MCF2L: variants seen among roughly 807,000 people sequenced by gnomAD.
MCF2L encodes the protein MCF.2 cell line derived transforming sequence like.
In MCF2L, 97 loss-of-function variants were observed where a neutral mutation model predicts 153.4. The ratio of observed to expected loss-of-function variants is 0.63; its 90% confidence interval spans 0.54 to 0.75. MCF2L has a LOEUF of 0.75. Ranked by LOEUF, MCF2L falls within the 30% of genes least tolerant of loss-of-function variation. The probability of loss-of-function intolerance (pLI) is 0.00; values close to 1 mark genes in which losing one functional copy is unlikely to be tolerated. For synonymous variants in MCF2L, 659 were observed against 632.2 expected, an observed-to-expected ratio of 1.04 and a Z score of -0.64; for missense variants, 1,347 against 1,495.2, an observed-to-expected ratio of 0.90 and a Z score of 1.64.
chr13:112,937,415 T>A (rs1270701363), intron 2 of MCF2L, among the ~76,000 whole-genome samples: 1 of 152,258 alleles, frequency 6.6e-6, no homozygotes, highest in Non-Finnish European at 1.5e-5. Flanking sequence ...AACATTTTCT[T>A]AATATATTGT....
rs538031926 is a variant in MCF2L at position 112,997,781 on chromosome 13, G to A, written c.80-16982G>A. Among the ~76,000 whole-genome samples, 12 of 152,372 alleles carry A rather than the reference G, an allele frequency of 7.9e-5. No homozygotes were observed. The East Asian group carries it at 1.4e-3, about 17-fold the overall frequency. The stretch of plus-strand genomic sequence containing the variant: ...GATGGGTCGAGTTCCTGCTGGACAC[G>A]GGCCTCAGGCCCCCCGGGTGTCCCC... On this transcript the variant is annotated intron_variant, in intron 1 of 29. Coordinates refer to ENST00000535094, the MANE Select transcript of MCF2L (RefSeq NM_001112732.3).
chr13:112,896,335 C>T (rs1394320131), intron 1 of MCF2L, among the ~76,000 whole-genome samples: 1 of 152,166 alleles, frequency 6.6e-6, no homozygotes, highest in Non-Finnish European at 1.5e-5. Context: ...GTCCCAGTCA[C>T]CTCTGCTGTG....
At chr13:113,004,855 AC>A (rs1431656549) in intron 1 of MCF2L, among the ~76,000 whole-genome samples, 1 of 152,230 alleles carries the variant, frequency 6.6e-6, no homozygotes, top group Non-Finnish European at 1.5e-5. Context: ...CCTTACGAAG[AC>A]AAGTTTGCGG....
At chr13:113,081,390 T>C (rs1042570347) in intron 16 of MCF2L, 111 bp downstream of exon 16, 1 of 1,077,082 alleles carries the variant, frequency 9.3e-7, no homozygotes, top group Middle Eastern at 2.9e-4. Context: ...ACCAAATGCA[T>C]GTGAGAGAGC....
At chr13:112,900,668 G>A (rs190141438) in intron 1 of MCF2L, among the ~76,000 whole-genome samples, 28 of 152,252 alleles carry the variant, frequency 1.8e-4, no homozygotes, top group African/African-American at 6.0e-4. Flanking sequence ...AGCCTCTGCT[G>A]TGAGGGGCAT....
rs150811969 is a variant in MCF2L at position 112,969,770 on chromosome 13, G to C, written c.79+312G>C. Among the ~76,000 whole-genome samples the C allele has an allele frequency of 1.3e-5, 2 of 152,166 alleles. No homozygotes were observed. The highest frequency in any genetic ancestry group is 2.9e-5 in the Non-Finnish European group (2 of 68,032). ...CCTGCCTGTCCGCAGCCCTCGCAAT[G>C]GAGAATGCATTGCGAATGGAGAATG... On this transcript the variant is annotated intron_variant, in intron 1 of 29. Coordinates refer to ENST00000535094, the MANE Select transcript of MCF2L (RefSeq NM_001112732.3). The surrounding 1 kb of genome is among the most constrained non-coding windows in gnomAD (Gnocchi z 4.8).
At chr13:113,013,280 C>T (rs554111258) in intron 1 of MCF2L, among the ~76,000 whole-genome samples, 44 of 152,318 alleles carry the variant, frequency 2.9e-4, no homozygotes, top group Admixed American at 1.1e-3. Context: ...ATCGCCGAGA[C>T]GTGGTTGCGT....
In MCF2L at chr13:112,984,631, G is replaced by A. The variant is rs527807546; in HGVS notation, c.79+15173G>A. Among the ~76,000 whole-genome samples the A allele has an allele frequency of 1.2e-3, 181 of 152,324 alleles. 1 individual carries two copies. The highest frequency in any genetic ancestry group is 4.2e-3 in the Admixed American group (64 of 15,298). ...ATAAGAAGCAGATAAATACATTTGA[G>A]GCACCCAGGGTGAGTGATCTCAGCG... On this transcript the variant is annotated intron_variant, in intron 1 of 29. Coordinates refer to ENST00000535094, the MANE Select transcript of MCF2L (RefSeq NM_001112732.3).
intron 5 of MCF2L, among the ~76,000 whole-genome samples, chr13:113,061,224 C>T (rs374125268): frequency 6.6e-6 from 1 of 152,262 alleles, no homozygotes; most frequent in African/African-American, 2.4e-5. Context: ...TGCCCCATCG[C>T]CACCACACTA....
intron 2 of MCF2L, among the ~76,000 whole-genome samples, chr13:112,912,704 A>G (rs534397838): frequency 7.6e-4 from 116 of 152,054 alleles, no homozygotes; most frequent in African/African-American, 2.7e-3. Flanking sequence ...ATATCCCCAT[A>G]TATATTTTAT....
chr13:113,032,960 G>A (rs922724815), intron 3 of MCF2L, among the ~76,000 whole-genome samples: 15 of 149,370 alleles, frequency 1.0e-4, no homozygotes, highest in Non-Finnish European at 1.6e-4. Flanking sequence ...AGTGGACCCC[G>A]TGATGTGAGT....
chr13:113,077,013 C>T (rs758231700), intron 12 of MCF2L, 39 bp from the exon 13 acceptor site: 4 of 1,576,276 alleles, frequency 2.5e-6, no homozygotes, highest in Admixed American at 1.8e-5. Context: ...GTGATGACAC[C>T]AACATGTGCA....
At chr13:112,949,376 G>A (rs2081668273) in intron 2 of MCF2L, among the ~76,000 whole-genome samples, 1 of 152,136 alleles carries the variant, frequency 6.6e-6, no homozygotes, top group African/African-American at 2.4e-5. Context: ...ATACTTCTCA[G>A]TCATCTCATG....
At chr13:113,096,718 C>T (rs1394515368) in intron 29 of MCF2L, 56 bp from the exon 30 acceptor site, 3 of 1,553,292 alleles carry the variant, frequency 1.9e-6, no homozygotes, top group Middle Eastern at 3.4e-4. Flanking sequence ...GAAGCTGCCC[C>T]GTGTGTGCCC....
intron 1 of MCF2L, among the ~76,000 whole-genome samples, chr13:112,982,721 C>T (rs2082482785): frequency 6.6e-6 from 1 of 152,102 alleles, no homozygotes; most frequent in Admixed American, 6.5e-5. Flanking sequence ...GTGAGCTGTC[C>T]CAGCAGTGGC....
chr13:113,086,316 G>A lies in MCF2L; in HGVS notation c.2373+67G>A, dbSNP rs975295645. 18 of 1,587,030 alleles carry A rather than the reference G, an allele frequency of 1.1e-5. No homozygotes were observed. The East Asian group carries it at 1.2e-4, about 10-fold the overall frequency. On this transcript the variant is annotated intron_variant, in intron 21 of 29. Transcript: ENST00000535094. ...GAATACACCAGCCCAGCAACTTGGC[G>A]GCCTCCCTGCACACGCCCCTCGCTT...
At chr13:113,057,596 G>A (rs2030331752) in intron 4 of MCF2L, among the ~76,000 whole-genome samples, 2 of 143,056 alleles carry the variant, frequency 1.4e-5, no homozygotes, top group Middle Eastern at 4.3e-3. Flanking sequence ...GTGTGTTTGG[G>A]TGCTGTGTGT....
intron 5 of MCF2L, among the ~76,000 whole-genome samples, chr13:113,062,723 A>AGGAGACATGAG (rs2031714771): frequency 6.6e-6 from 1 of 152,232 alleles, no homozygotes; most frequent in Non-Finnish European, 1.5e-5. Context: ...AGCCATAGAA[A>AGGAGACATGAG]GGAGACATGA....
chr13:113,074,362 C>T lies in MCF2L; in HGVS notation c.997-82C>T, dbSNP rs2033221366. On this transcript the variant is annotated intron_variant, in intron 9 of 29. Transcript: ENST00000535094. The surrounding 1 kb of genome is among the most constrained non-coding windows in gnomAD (Gnocchi z 4.2). ...GGCCCGACTTTGAATTCTGTCATTTCCCTGATCTGGAGCACTGGAGTGGGT... is the reference window on the plus strand; with the variant it reads ...GGCCCGACTTTGAATTCTGTCATTTTCCTGATCTGGAGCACTGGAGTGGGT... 4 of 1,536,700 alleles carry T rather than the reference C, an allele frequency of 2.6e-6. No individual in the cohort carries two copies. The highest frequency in any genetic ancestry group is 3.6e-6 in the Non-Finnish European group (4 of 1,118,104).
Sources: gnomAD v4.1 joint callset for allele counts (sites outside exome capture counted in the v4.1 genomes callset) on GRCh38, gnomAD v4.1.1 for gene constraint, Gnocchi (gnomAD v3.1) non-coding constraint, MANE v1.5 for transcripts, NCBI Gene and HGNC (gene_info 2026-07-23, HGNC 2026-07-21) for gene names.